Variants in LOXL1 observed in about 807,000 individuals in gnomAD.
LOXL1 encodes the protein lysyl oxidase like 1, also known as lysyl oxidase homolog 1.
Under a neutral mutation model 62.2 loss-of-function variants are expected in LOXL1, and 31 were observed. The observed-to-expected ratio is 0.50, with a 90% CI of 0.37 to 0.67. The LOEUF (loss-of-function observed/expected upper bound fraction) is 0.67. Ranked by LOEUF, LOXL1 falls within the 30% of genes least tolerant of loss-of-function variation. LOXL1 has a pLI of 0.00. For synonymous variants in LOXL1, 403 were observed against 384.4 expected, an observed-to-expected ratio of 1.05 and a Z score of -0.56; for missense variants, 775 against 843.4, an observed-to-expected ratio of 0.92 and a Z score of 1.00.
At chr15:73,947,716 G>A (rs2068757920) in intron 4 of LOXL1, 91 bp from the exon 5 acceptor site, 16 of 895,338 alleles carry the variant, frequency 1.8e-5, no homozygotes, top group Non-Finnish European at 2.9e-5. Context: ...AGAAACCCAG[G>A]GGAAGGTGGG....
Position 73,927,692 on chromosome 15 carries a change from A to T in LOXL1, c.909A>T (p.Gly303=). ...CCGAGGCGGCGCAGGCCCATGGCGGAGACCCACGCCTGGGCTGGTACCCGC... is the reference window on the plus strand; with the variant it reads ...CCGAGGCGGCGCAGGCCCATGGCGGTGACCCACGCCTGGGCTGGTACCCGC... The part of the protein sequence containing the change: ...PGPEAAQAHG[G]DPRLGWYPPY... Residue 303 remains glycine (G), a synonymous_variant, in exon 1 of 7, where the codon GGA becomes GGT. Transcript: ENST00000261921. 1 of 1,483,914 alleles carries T rather than the reference A, an allele frequency of 6.7e-7. No individual in the cohort carries two copies. Among genetic ancestry groups the T allele is most frequent in the Non-Finnish European group, 8.9e-7 (1 of 1,124,574 alleles). 91.9% of individuals were successfully genotyped at this position (1,483,914 alleles called of 1,614,324 possible).
chr15:73,940,974 C>T (rs2141631326), intron 1 of LOXL1, among the ~76,000 whole-genome samples: 1 of 151,942 alleles, frequency 6.6e-6, no homozygotes, highest in Middle Eastern at 3.4e-3. Context: ...GTGGGGGCAG[C>T]AAGCTGTCTG....
intron 1 of LOXL1, among the ~76,000 whole-genome samples, chr15:73,929,328 G>C (rs1454989535): frequency 6.6e-6 from 1 of 152,224 alleles, no homozygotes; most frequent in East Asian, 1.9e-4. Flanking sequence ...GGCTGACTGA[G>C]CCCTCCAGTG....
chr15:73,926,803 G>A lies in LOXL1; in HGVS notation c.20G>A (p.Ser7Asn). Residue 7 changes from serine (S) to asparagine (N), a missense_variant, in exon 1 of 7, where the codon AGC (serine) becomes AAC (asparagine). By Grantham distance (46) the Ser-to-Asn change is conservative (BLOSUM62 1). Coordinates refer to ENST00000261921, the MANE Select transcript of LOXL1 (RefSeq NM_005576.4). ...GTCACCATGGCTCTGGCCCGAGGCA[G>A]CCGGCAGCTGGGGGCCCTGGTGTGG... MALARG[S>N]RQLGALVWGA... The A allele has an allele frequency of 6.8e-7, 1 of 1,480,718 alleles. No individual in the cohort carries two copies. Among genetic ancestry groups the A allele is most frequent in the Non-Finnish European group, 9.0e-7 (1 of 1,114,970 alleles). The allele number at this position is 1,480,718 out of a possible 1,614,324, so 91.7% of individuals were successfully genotyped here.
intron 2 of LOXL1, among the ~76,000 whole-genome samples, chr15:73,943,883 G>A (rs1009750695): frequency 1.3e-5 from 2 of 152,092 alleles, no homozygotes; most frequent in Admixed American, 1.3e-4. Flanking sequence ...CTAGTTCACT[G>A]CCACTCTAAG....
chr15:73,939,650 C>G (rs946248000), intron 1 of LOXL1, among the ~76,000 whole-genome samples: 2 of 152,194 alleles, frequency 1.3e-5, no homozygotes, highest in Non-Finnish European at 2.9e-5. Flanking sequence ...GTGACAGAAA[C>G]AATCCACAGC....
chr15:73,927,902 C>A lies in LOXL1; in HGVS notation c.1102+17C>A. Reference sequence around the variant, plus strand: ...ACGGCCGCGGTGAGTACGGCCCCGGCGCCCCTCCGGCCGCGCGTACCCCTG... The same window carrying A: ...ACGGCCGCGGTGAGTACGGCCCCGGAGCCCCTCCGGCCGCGCGTACCCCTG... On this transcript the variant is annotated intron_variant, in intron 1 of 6. Coordinates refer to ENST00000261921, the MANE Select transcript of LOXL1 (RefSeq NM_005576.4). 7.7e-7 allele frequency: 1 copy of A among 1,299,078 alleles called. No individual in the cohort carries two copies. Among genetic ancestry groups the A allele is most frequent in the Non-Finnish European group, 9.7e-7 (1 of 1,028,846 alleles). The allele number at this position is 1,299,078 out of a possible 1,614,324, so 80.5% of individuals were successfully genotyped here.
Position 73,947,166 on chromosome 15 carries a change from G to A in LOXL1, c.1449G>A (p.Glu483=). The A allele has an allele frequency of 6.2e-7, 1 of 1,613,684 alleles. No individual in the cohort carries two copies. The highest frequency in any genetic ancestry group is 8.5e-7 in the Non-Finnish European group (1 of 1,179,610). The change falls in exon 4 of 7, where the codon GAG becomes GAA. Residue 483 remains glutamate (E), a synonymous_variant. Transcript: ENST00000261921. The part of the protein sequence containing the change: ...AEGHKASFCL[E]DSTCDFGNLK... ...GCCACAAGGCCAGTTTCTGCCTGGA[G>A]GACAGCACCTGTGACTTCGGCAACC...
chr15:73,947,242 G>A lies in LOXL1; in HGVS notation c.1506+19G>A. ...TACCCAGGTTGGGCTGGAGAGATGG[G>A]GTTTGGGGCATGGGAGGATAAGGAG... On this transcript the variant is annotated intron_variant, in intron 4 of 6. Coordinates refer to ENST00000261921, the MANE Select transcript of LOXL1 (RefSeq NM_005576.4). The A allele has an allele frequency of 6.3e-7, 1 of 1,583,298 alleles. No individual in the cohort carries two copies. The highest frequency in any genetic ancestry group is 1.1e-5 in the South Asian group (1 of 88,778).
rs748153399 is a variant in LOXL1, at chr15:73,946,545, G to A, written c.1340G>A (p.Ser447Asn). 6.9e-6 allele frequency: 11 copies of A among 1,605,614 alleles called. No homozygotes were observed. The Admixed American group carries it at 1.9e-4, about 27-fold the overall frequency. Reference sequence around the variant, plus strand: ...CCACGGCACACCTGGGAGTGGCACAGCTGCCACCAGTGAGTGGGGAGGGGC... The same window carrying A: ...CCACGGCACACCTGGGAGTGGCACAACTGCCACCAGTGAGTGGGGAGGGGC... Reference protein sequence around the residue: ...NRPRHTWEWHSCHQHYHSMDE... With the variant: ...NRPRHTWEWHNCHQHYHSMDE... Residue 447 changes from serine (S) to asparagine (N), a missense_variant, in exon 3 of 7, where the codon AGC becomes AAC. By Grantham distance (46) the Ser-to-Asn change is conservative (BLOSUM62 1). Transcript: ENST00000261921.
intron 2 of LOXL1, among the ~76,000 whole-genome samples, chr15:73,944,258 T>G (rs1053877666): frequency 6.6e-6 from 1 of 152,216 alleles, no homozygotes; most frequent in Non-Finnish European, 1.5e-5. Context: ...CCTTCCAGTC[T>G]TAAGAGAATT....
chr15:73,943,245 A>G (rs2068727201), intron 2 of LOXL1, among the ~76,000 whole-genome samples: 1 of 152,232 alleles, frequency 6.6e-6, no homozygotes, highest in South Asian at 2.1e-4. Flanking sequence ...ATGAGCCCTG[A>G]AGGCATGGGT....
intron 6 of LOXL1, 27 bp downstream of exon 6, chr15:73,949,601 G>A: frequency 6.6e-7 from 1 of 1,511,800 alleles, no homozygotes; most frequent in Non-Finnish European, 9.2e-7. Context: ...CACCCTTCCT[G>A]GCTCCGTCCC....
At chr15:73,941,560 C>T (rs1156682686) in intron 1 of LOXL1, among the ~76,000 whole-genome samples, 2 of 152,226 alleles carry the variant, frequency 1.3e-5, no homozygotes, top group Non-Finnish European at 2.9e-5. Context: ...TGCCTGCTCT[C>T]ACCCTTCCTG....
intron 4 of LOXL1, chr15:73,947,561 C>T: frequency 1.9e-6 from 1 of 515,800 alleles, no homozygotes; most frequent in Non-Finnish European, 3.4e-6. Flanking sequence ...GTCCATCTGT[C>T]CTGTCTCTTT....
At position 73,942,881 on chromosome 15, in the gene LOXL1, A is replaced by G. The variant is rs768194782; in HGVS notation, c.1130A>G (p.Asn377Ser). ...RGLPDLVPDP[N>S]YVQASTYVQR... ...CTCCCTGACTTGGTCCCAGACCCCA[A>G]CTATGTGCAAGCATCCACTTATGTG... is the stretch of plus-strand genomic sequence containing the variant. Residue 377 changes from asparagine (N) to serine (S), a missense_variant, in exon 2 of 7, where the codon AAC (asparagine) becomes AGC (serine). Asn to Ser is a conservative substitution (Grantham distance 46). Coordinates refer to ENST00000261921, the MANE Select transcript of LOXL1 (RefSeq NM_005576.4). 8.7e-6 allele frequency: 14 copies of G among 1,613,800 alleles called. No homozygotes were observed. The highest frequency in any genetic ancestry group is 1.6e-4 in the Middle Eastern group (1 of 6,084).
chr15:73,941,944 C>A, intron 1 of LOXL1: 1 of 271,578 alleles, frequency 3.7e-6, no homozygotes, highest in South Asian at 2.9e-5. Flanking sequence ...GGACAGGCCC[C>A]GGGCTCTGGC....
chr15:73,926,925 A>C lies in LOXL1; in HGVS notation c.142A>C (p.Asn48His). The change falls in exon 1 of 7, where the codon AAC (asparagine) becomes CAC (histidine). Residue 48 changes from asparagine to histidine, a missense_variant. Transcript: ENST00000261921. ...GCGGCAGCTGATCCAGTGGGAGAACAACGGGCAGGTGTACAGCTTGCTCAA... is the reference window on the plus strand; with the variant it reads ...GCGGCAGCTGATCCAGTGGGAGAACCACGGGCAGGTGTACAGCTTGCTCAA... ...RWRQLIQWEN[N>H]GQVYSLLNSG... is the part of the protein sequence containing the mutation. The C allele has an allele frequency of 1.3e-6, 2 of 1,570,994 alleles. No individual in the cohort carries two copies. The highest frequency in any genetic ancestry group is 1.2e-5 in the South Asian group (1 of 85,536).
chr15:73,935,161 G>C (rs904787262), intron 1 of LOXL1, among the ~76,000 whole-genome samples: 1 of 152,200 alleles, frequency 6.6e-6, no homozygotes, highest in African/African-American at 2.4e-5. Flanking sequence ...AGAAGCATGG[G>C]TCCCTGACTG....
Sources: allele counts gnomAD v4.1 joint callset (sites outside exome capture counted in the v4.1 genomes callset), GRCh38; gene constraint gnomAD v4.1.1; transcripts MANE v1.5; gene names NCBI Gene and HGNC (gene_info 2026-07-23, HGNC 2026-07-21).